ALK: variants seen among roughly 807,000 people sequenced by gnomAD.
ALK encodes ALK receptor tyrosine kinase.
Under a neutral mutation model 163.1 loss-of-function variants are expected in ALK, and 74 were observed. The ratio of observed to expected loss-of-function variants is 0.45; its 90% CI spans 0.38 to 0.55. ALK has a LOEUF of 0.55. ALK is among the 20% of genes least tolerant of loss of function. ALK has a pLI of 0.00. For synonymous variants in ALK, 960 were observed against 843.2 expected (o/e 1.14, Z -2.40); for missense variants, 2,063 against 2,105.3 (o/e 0.98, Z 0.39).
intron 11 of ALK, among the ~76,000 whole-genome samples, chr2:29,253,312 G>A (rs536847705): frequency 1.3e-5 from 2 of 152,158 alleles, no homozygotes; most frequent in Non-Finnish European, 2.9e-5. Context: ...GGGGTGATGT[G>A]GAAAGAACAC....
At chr2:29,707,578 A>G (rs1678948592) in intron 2 of ALK, among the ~76,000 whole-genome samples, 1 of 152,212 alleles carries the variant, frequency 6.6e-6, no homozygotes, top group Non-Finnish European at 1.5e-5. Context: ...AGAGGAGGAG[A>G]TAAGGTTATT....
At chr2:29,870,919 T>C (rs1234199802) in intron 1 of ALK, among the ~76,000 whole-genome samples, 4 of 152,206 alleles carry the variant, frequency 2.6e-5, no homozygotes, top group African/African-American at 4.8e-5. Flanking sequence ...ATAAAGAGCA[T>C]TGCCCACAGG....
In ALK at chr2:29,209,776, C is replaced by G. The variant is rs2148154982; in HGVS notation, c.3836+10G>C. On this transcript the variant is annotated intron_variant, in intron 25 of 28. Transcript: ENST00000389048. ...GACAGGCCCGGAGGGGTGAGGCAGT[C>G]TTTACTCACCTGTAGATGTCTCGGG... is the stretch of plus-strand genomic sequence containing the variant. 1.2e-6 allele frequency: 2 copies of G among 1,609,726 alleles called. No homozygotes were observed. The highest frequency in any genetic ancestry group is 1.7e-6 in the Non-Finnish European group (2 of 1,176,108).
intron 3 of ALK, among the ~76,000 whole-genome samples, chr2:29,601,040 G>A (rs550151384): frequency 1.3e-5 from 2 of 152,174 alleles, no homozygotes; most frequent in Non-Finnish European, 2.9e-5. Flanking sequence ...ATTCCTTTCT[G>A]GAAGTCCAAA....
At chr2:29,600,617 G>C (rs1675355380) in intron 3 of ALK, among the ~76,000 whole-genome samples, 1 of 152,198 alleles carries the variant, frequency 6.6e-6, no homozygotes, top group Non-Finnish European at 1.5e-5. Flanking sequence ...TATCGTGGGG[G>C]CTGCTCACGT....
chr2:29,547,835 C>T lies in ALK; in HGVS notation c.953-15719G>A, dbSNP rs550064346. On this transcript the variant is annotated intron_variant, in intron 3 of 28. Coordinates refer to ENST00000389048, the MANE Select transcript of ALK (RefSeq NM_004304.5). ...GTGGTGAAATGTGAGCAGAATTATG[C>T]TCGTATGGTTGCCAGGTTCAGCAAA... Among the ~76,000 whole-genome samples, 27 of 152,306 alleles carry T rather than the reference C, an allele frequency of 1.8e-4. No individual in the cohort carries two copies. In the South Asian group the frequency reaches 5.6e-3, roughly 32 times the overall value.
chr2:29,219,482 C>T (rs1384904881), intron 23 of ALK, among the ~76,000 whole-genome samples: 1 of 152,192 alleles, frequency 6.6e-6, no homozygotes, highest in Non-Finnish European at 1.5e-5. Flanking sequence ...TCAGTCTTCC[C>T]TCCTTTCCTG....
chr2:29,605,869 C>T (rs1010519509), intron 3 of ALK, among the ~76,000 whole-genome samples: 4 of 152,094 alleles, frequency 2.6e-5, no homozygotes, highest in Non-Finnish European at 5.9e-5. Context: ...ATGCTGCCTC[C>T]CCACCCCTCT....
chr2:29,803,729 G>A (rs957050074), intron 1 of ALK, among the ~76,000 whole-genome samples: 1 of 152,210 alleles, frequency 6.6e-6, no homozygotes, highest in African/African-American at 2.4e-5. Context: ...ATAGTGAAAT[G>A]TAGATTTAAG....
At chr2:29,550,165 A>G (rs1673677791) in intron 3 of ALK, among the ~76,000 whole-genome samples, 1 of 152,236 alleles carries the variant, frequency 6.6e-6, no homozygotes. Flanking sequence ...AGTCCCGAGC[A>G]ATATGTTAAC....
chr2:29,546,971 A>G (rs570529298), intron 3 of ALK, among the ~76,000 whole-genome samples: 1 of 152,322 alleles, frequency 6.6e-6, no homozygotes, highest in East Asian at 1.9e-4. Flanking sequence ...AGGGAAGCTG[A>G]GAATGCATCA....
intron 1 of ALK, among the ~76,000 whole-genome samples, chr2:29,891,991 G>A (rs764663254): frequency 2.0e-5 from 3 of 152,172 alleles, no homozygotes; most frequent in South Asian, 2.1e-4. Context: ...CCAGTCAACC[G>A]GCTTTCTATG....
chr2:29,463,341 T>C (rs1671131630), intron 4 of ALK, among the ~76,000 whole-genome samples: 1 of 152,228 alleles, frequency 6.6e-6, no homozygotes, highest in Non-Finnish European at 1.5e-5. Flanking sequence ...ATGACTGCTG[T>C]TCACAGTAGA....
intron 1 of ALK, among the ~76,000 whole-genome samples, chr2:29,852,368 C>T (rs912947712): frequency 2.2e-4 from 34 of 152,130 alleles, no homozygotes; most frequent in Non-Finnish European, 4.7e-4. Context: ...CCCCTTCAGA[C>T]TCAAAAAACA....
chr2:29,778,414 C>A (rs534763762), intron 1 of ALK, among the ~76,000 whole-genome samples: 16 of 152,304 alleles, frequency 1.1e-4, no homozygotes, highest in African/African-American at 3.8e-4. Flanking sequence ...AATTTCGGTT[C>A]AAATGCTAAA....
chr2:29,691,062 A>G (rs906564473), intron 3 of ALK, among the ~76,000 whole-genome samples: 1 of 152,128 alleles, frequency 6.6e-6, no homozygotes, highest in Non-Finnish European at 1.5e-5. Flanking sequence ...CTGAACCTTC[A>G]CTTCTTTCCC....
chr2:29,409,248 G>T (rs1669669297), intron 4 of ALK, among the ~76,000 whole-genome samples: 1 of 152,192 alleles, frequency 6.6e-6, no homozygotes, highest in Non-Finnish European at 1.5e-5. Flanking sequence ...TAAGGGAAGA[G>T]AATAGGTCAC....
chr2:29,668,553 T>C, intron 3 of ALK, among the ~76,000 whole-genome samples: 1 of 152,158 alleles, frequency 6.6e-6, no homozygotes, highest in Admixed American at 6.6e-5. Context: ...TGTGTCTGTG[T>C]ATTTTCCAAG....
chr2:29,358,990 A>G lies in ALK; in HGVS notation c.1282+24742T>C, dbSNP rs115312249. On this transcript the variant is annotated intron_variant, in intron 5 of 28. Transcript: ENST00000389048. The stretch of plus-strand genomic sequence containing the variant: ...TTGTACAATTAAGAATATTCTAGGT[A>G]TATCTAGAGATCAGCTGTACAACAT... 5.1e-3 allele frequency among the ~76,000 whole-genome samples: 781 copies of G among 152,278 alleles called. 8 individuals carry two copies. The highest frequency in any genetic ancestry group is 0.018 in the African/African-American group (744 of 41,544).
Sources: allele counts gnomAD v4.1 joint callset (sites outside exome capture counted in the v4.1 genomes callset), GRCh38; gene constraint gnomAD v4.1.1; transcripts MANE v1.5; gene names NCBI Gene and HGNC (gene_info 2026-07-23, HGNC 2026-07-21).